ESRRG: variants seen among roughly 807,000 people sequenced by gnomAD.
ESRRG encodes the protein estrogen-related receptor gamma.
ESRRG carries 13 observed loss-of-function variants against 44.0 expected under a neutral mutation model. The observed-to-expected ratio is 0.30, with a 90% CI of 0.19 to 0.47. The LOEUF (loss-of-function observed/expected upper bound fraction) is 0.47, where lower values mean the gene tolerates loss of function less well. Ranked by LOEUF, ESRRG falls within the 20% of genes least tolerant of loss-of-function variation. The pLI is 1.00. For synonymous variants in ESRRG, 215 were observed against 214.6 expected, an observed-to-expected ratio of 1.00 and a Z score of -0.02; for missense variants, 395 against 580.6, an observed-to-expected ratio of 0.68 and a Z score of 3.29.
In ESRRG at chr1:216,785,994, T is replaced by A. The variant is rs2094114886; in HGVS notation, c.-13-108503A>T. The stretch of plus-strand genomic sequence containing the variant: ...CACGCCTAGATCATAGTGGTGGGAG[T>A]TTAGGAACAGTACAATCAATGGAAT... On this transcript the variant is annotated intron_variant, in intron 2 of 7. Transcript: ENST00000359162. 2.0e-5 allele frequency among the ~76,000 whole-genome samples: 3 copies of A among 151,620 alleles called. 1 individual carries two copies. Among genetic ancestry groups the A allele is most frequent in the Admixed American group, 2.0e-4 (3 of 15,186 alleles).
intron 1 of ESRRG, among the ~76,000 whole-genome samples, chr1:216,691,707 G>T (rs1215939757): frequency 2.0e-5 from 3 of 152,156 alleles, no homozygotes. Context: ...CTTCACACAT[G>T]CTACAGGATA....
intron 3 of ESRRG, among the ~76,000 whole-genome samples, chr1:216,572,301 TC>T (rs1034622346): frequency 1.3e-5 from 2 of 151,814 alleles, no homozygotes; most frequent in Non-Finnish European, 2.9e-5. Context: ...ACCAGATTTT[TC>T]CCCCCAGGAC....
chr1:216,829,406 A>C (rs2095449129), intron 2 of ESRRG, among the ~76,000 whole-genome samples: 1 of 152,246 alleles, frequency 6.6e-6, no homozygotes, highest in Admixed American at 6.5e-5. Context: ...CCTTACAACT[A>C]CCCTATAAGT....
intron 2 of ESRRG, among the ~76,000 whole-genome samples, chr1:216,760,722 G>C (rs966938390): frequency 6.6e-6 from 1 of 152,044 alleles, no homozygotes; most frequent in Non-Finnish European, 1.5e-5. Context: ...AGAAGAAGGA[G>C]GGCATGTACA....
intron 1 of ESRRG, among the ~76,000 whole-genome samples, chr1:216,946,338 C>T (rs541154663): frequency 3.3e-5 from 5 of 152,186 alleles, no homozygotes; most frequent in South Asian, 4.1e-4. Context: ...ATCATCGGTT[C>T]GAGAGGTGCT....
chr1:216,892,438 T>C (rs983121895), intron 2 of ESRRG, among the ~76,000 whole-genome samples: 12 of 152,160 alleles, frequency 7.9e-5, no homozygotes, highest in Non-Finnish European at 4.4e-5. Context: ...AGCGTTTATA[T>C]ACTACCTCTC....
intron 2 of ESRRG, among the ~76,000 whole-genome samples, chr1:216,743,355 C>T (rs985329831): frequency 2.0e-5 from 3 of 152,132 alleles, no homozygotes; most frequent in Non-Finnish European, 4.4e-5. Flanking sequence ...CTTGAGGTGA[C>T]TCTTAGGATC....
At chr1:216,603,187 A>G (rs1345532360) in intron 3 of ESRRG, among the ~76,000 whole-genome samples, 3 of 152,230 alleles carry the variant, frequency 2.0e-5, no homozygotes, top group African/African-American at 7.2e-5. Context: ...AAATTAATCT[A>G]TGTAGCTTAA....
chr1:217,000,569 T>C (rs190319613), intron 1 of ESRRG: 3 of 152,020 alleles, frequency 2.0e-5, no homozygotes, highest in Non-Finnish European at 4.4e-5. Context: ...TATAGGGAGG[T>C]GGTCAGGACT....
At chr1:217,088,353 A>G (rs1437099620) in intron 1 of ESRRG, among the ~76,000 whole-genome samples, 2 of 151,190 alleles carry the variant, frequency 1.3e-5, no homozygotes, top group East Asian at 3.9e-4. Context: ...TATGGACCTA[A>G]CAGCTTCTCT....
chr1:216,970,820 G>C lies in ESRRG; in HGVS notation c.-105-31147C>G, dbSNP rs186564894. On this transcript the variant is annotated intron_variant, in intron 1 of 7. Coordinates refer to the ESRRG transcript ENST00000359162. ...AAAATCAGGGCAGAGGTGACTGCTG[G>C]GAGCCAAAATTGTGGATTCCAAACC... Among the ~76,000 whole-genome samples the C allele has an allele frequency of 1.2e-4, 19 of 152,294 alleles. No individual in the cohort carries two copies. In the East Asian group the frequency reaches 3.5e-3, roughly 28 times the overall value.
At chr1:216,549,766 C>T (rs2055701370) in intron 5 of ESRRG, among the ~76,000 whole-genome samples, 1 of 152,112 alleles carries the variant, frequency 6.6e-6, no homozygotes, top group Non-Finnish European at 1.5e-5. Context: ...AGTTTTTGTT[C>T]ACATTTTCCC....
chr1:216,533,758 T>C (rs937203811), intron 5 of ESRRG, among the ~76,000 whole-genome samples: 1 of 152,172 alleles, frequency 6.6e-6, no homozygotes, highest in African/African-American at 2.4e-5. Flanking sequence ...TAAGCATCCC[T>C]AATGCTTTTA....
At chr1:216,917,360 GA>G (rs1376989960) in intron 2 of ESRRG, among the ~76,000 whole-genome samples, 5 of 151,992 alleles carry the variant, frequency 3.3e-5, no homozygotes, top group Non-Finnish European at 5.9e-5. Flanking sequence ...GGTTCACTGT[GA>G]GCAACCAATG....
At chr1:216,819,751 G>A (rs1336839170) in intron 2 of ESRRG, among the ~76,000 whole-genome samples, 1 of 152,022 alleles carries the variant, frequency 6.6e-6, no homozygotes, top group Non-Finnish European at 1.5e-5. Flanking sequence ...TTGTGGACAT[G>A]GTTTGTTAAT....
intron 2 of ESRRG, among the ~76,000 whole-genome samples, chr1:216,776,118 C>T (rs905987765): frequency 1.3e-5 from 2 of 152,162 alleles, no homozygotes; most frequent in African/African-American, 4.8e-5. Context: ...ATTAAGGGCA[C>T]AGTGCTTAAC....
intron 5 of ESRRG, among the ~76,000 whole-genome samples, chr1:216,540,080 T>C (rs575300962): frequency 2.0e-5 from 3 of 152,060 alleles, no homozygotes; most frequent in Admixed American, 2.0e-4. Context: ...CCACATTGTA[T>C]GTAGAATTTA....
intron 3 of ESRRG, among the ~76,000 whole-genome samples, chr1:216,627,589 C>T (rs2063399531): frequency 6.6e-6 from 1 of 152,150 alleles, no homozygotes; most frequent in Non-Finnish European, 1.5e-5. Context: ...AGTTAAGTAT[C>T]ATTTCCCAAA....
intron 5 of ESRRG, among the ~76,000 whole-genome samples, chr1:216,558,091 C>G (rs941101726): frequency 6.7e-6 from 1 of 150,364 alleles, no homozygotes; most frequent in Non-Finnish European, 1.5e-5. Context: ...GGACAGGCCT[C>G]TCTGAGCATT....
Sources: allele counts gnomAD v4.1 joint callset (sites outside exome capture counted in the v4.1 genomes callset), GRCh38; gene constraint gnomAD v4.1.1; transcripts MANE v1.5; gene names NCBI Gene and HGNC (gene_info 2026-07-23, HGNC 2026-07-21).